NCOA3: variants seen among roughly 807,000 people sequenced by gnomAD.
NCOA3 encodes the protein CBP-interacting protein.
Under a neutral mutation model 158.8 loss-of-function variants are expected in NCOA3, and 51 were observed. The observed-to-expected ratio is 0.32, with a 90% CI of 0.26 to 0.41. The LOEUF (loss-of-function observed/expected upper bound fraction) is 0.41, where lower values mean the gene tolerates loss of function less well. Among genes scored for constraint, NCOA3 ranks in the 10% least tolerant of loss-of-function variants. The pLI, the probability that NCOA3 is intolerant of heterozygous loss-of-function variation, is 1.00. For synonymous variants in NCOA3, 537 were observed against 592.4 expected (o/e 0.91, Z 1.36); for missense variants, 1,510 against 1,746.6 (o/e 0.86, Z 2.41).
At chr20:47,647,619 G>C (rs1412659433) in intron 18 of NCOA3, among the ~76,000 whole-genome samples, 1 of 152,058 alleles carries the variant, frequency 6.6e-6, no homozygotes, top group African/African-American at 2.4e-5. Flanking sequence ...AATGTTACTT[G>C]ATGACTTTGT....
At chr20:47,646,605 A>G (rs1021043968) in intron 17 of NCOA3, among the ~76,000 whole-genome samples, 4 of 152,242 alleles carry the variant, frequency 2.6e-5, no homozygotes, top group African/African-American at 9.6e-5. Flanking sequence ...ACCTAAGTAG[A>G]AAATATATCA....
At chr20:47,518,797 A>G (rs2084276298) in intron 1 of NCOA3, among the ~76,000 whole-genome samples, 1 of 152,142 alleles carries the variant, frequency 6.6e-6, no homozygotes, top group South Asian at 2.1e-4. Context: ...AATCCACGCT[A>G]CCAATCAAGA....
chr20:47,639,020 C>CA lies in NCOA3; in HGVS notation c.2526dup (p.Gln843ThrfsTer11). ...GTGTTTTCAACAGGTTTGAAAAGTTCACAGTCTGTGCAGTCTATTCGTCCT... is the reference window on the plus strand; with the variant it reads ...GTGTTTTCAACAGGTTTGAAAAGTTCAACAGTCTGTGCAGTCTATTCGTCCT... On this transcript the variant is annotated frameshift_variant, in exon 14 of 23. Transcript: ENST00000371998. LOFTEE classifies it high-confidence loss of function. The CA allele has an allele frequency of 6.2e-7, 1 of 1,600,090 alleles. No homozygotes were observed. The highest frequency in any genetic ancestry group is 8.5e-7 in the Non-Finnish European group (1 of 1,173,630).
At chr20:47,529,348 AT>A (rs1479252768) in intron 1 of NCOA3, among the ~76,000 whole-genome samples, 3 of 151,264 alleles carry the variant, frequency 2.0e-5, no homozygotes, top group African/African-American at 7.3e-5. Context: ...CTAACTCCTG[AT>A]CTCAGGTGAT....
chr20:47,580,481 G>A (rs535763960), intron 1 of NCOA3, among the ~76,000 whole-genome samples: 3 of 151,816 alleles, frequency 2.0e-5, no homozygotes, highest in East Asian at 3.9e-4. Flanking sequence ...GCTTTAACCC[G>A]GGAGGCAGAG....
At chr20:47,503,177 G>T (rs1250829282) in intron 1 of NCOA3, among the ~76,000 whole-genome samples, 1 of 152,138 alleles carries the variant, frequency 6.6e-6, no homozygotes. Context: ...TGATTTAAAT[G>T]CCTGGCCTCG....
In NCOA3 at chr20:47,572,535, C is replaced by G. The variant is rs531304629; in HGVS notation, c.-98-10648C>G. On this transcript the variant is annotated intron_variant, in intron 1 of 22. Transcript: ENST00000371998. ...CTAAGCTTAATCATTTCTAGCCCCC[C>G]CCACCTGCCTTTTTTTTTTATGAGA... Among the ~76,000 whole-genome samples, 181 of 151,794 alleles carry G rather than the reference C, an allele frequency of 1.2e-3. 2 individuals are homozygous for G. The highest frequency in any genetic ancestry group is 2.0e-3 in the Non-Finnish European group (135 of 67,924).
chr20:47,512,741 C>G (rs950299552), intron 1 of NCOA3, among the ~76,000 whole-genome samples: 36 of 152,176 alleles, frequency 2.4e-4, no homozygotes, highest in Non-Finnish European at 1.3e-4. Flanking sequence ...ATTAAAAAGA[C>G]TGACCATACC....
chr20:47,627,152 C>T lies in NCOA3; in HGVS notation c.508C>T (p.Leu170Phe). 2 of 1,605,652 alleles carry T rather than the reference C, an allele frequency of 1.2e-6. No individual in the cohort carries two copies. Among genetic ancestry groups the T allele is most frequent in the Non-Finnish European group, 1.7e-6 (2 of 1,176,894 alleles). ...ACATGAAGAAGACAGAAAGGATTTT[C>T]TTAAGAATTTACCAAAATCTACAGG... is the stretch of plus-strand genomic sequence containing the variant. Reference protein sequence around the residue: ...ILHEEDRKDFLKNLPKSTVNG... With the variant: ...ILHEEDRKDFFKNLPKSTVNG... Residue 170 changes from leucine to phenylalanine, a missense_variant, in exon 6 of 23, where the codon CTT becomes TTT. Transcript: ENST00000371998.
chr20:47,570,599 C>T (rs2085275457), intron 1 of NCOA3, among the ~76,000 whole-genome samples: 1 of 152,090 alleles, frequency 6.6e-6, no homozygotes, highest in Non-Finnish European at 1.5e-5. Context: ...CAAAGTCATC[C>T]ATTAGAGTTG....
chr20:47,557,619 G>T (rs1313769732), intron 1 of NCOA3, among the ~76,000 whole-genome samples: 8 of 152,076 alleles, frequency 5.3e-5, no homozygotes, highest in Admixed American at 5.2e-4. Context: ...TTCAAATTAA[G>T]TAATATAGTC....
intron 1 of NCOA3, among the ~76,000 whole-genome samples, chr20:47,570,277 C>CA (rs1602417805): frequency 6.6e-6 from 1 of 151,934 alleles, no homozygotes; most frequent in Admixed American, 6.6e-5. Context: ...CCCATCTCTA[C>CA]AAAAAATACA....
chr20:47,625,447 T>C lies in NCOA3; in HGVS notation c.323T>C (p.Ile108Thr). The C allele has an allele frequency of 6.2e-7, 1 of 1,613,506 alleles. No homozygotes were observed. The highest frequency in any genetic ancestry group is 8.5e-7 in the Non-Finnish European group (1 of 1,179,524). ...GTATCTTCTACAGGGCAGGGAGTTA[T>C]TGATAAAGACTCCTTAGGACCGCTT... The part of the protein sequence containing the change: ...ADVSSTGQGV[I>T]DKDSLGPLLL... Residue 108 changes from isoleucine to threonine, a missense_variant, in exon 5 of 23, where the codon ATT (isoleucine) becomes ACT (threonine). By Grantham distance (89) the Ile-to-Thr change is moderately conservative (BLOSUM62 -1). This residue lies in a region of NCOA3 where 309 missense variants were observed against 427.1 expected (regional missense o/e 0.72). Transcript: ENST00000371998.
At chr20:47,606,414 A>G (rs1167709882) in intron 2 of NCOA3, among the ~76,000 whole-genome samples, 1 of 152,220 alleles carries the variant, frequency 6.6e-6, no homozygotes, top group Non-Finnish European at 1.5e-5. Context: ...ACCATGAATT[A>G]AGGCAGTGGC....
chr20:47,518,420 G>GTTT (rs35593021), intron 1 of NCOA3, among the ~76,000 whole-genome samples: 12,344 of 132,768 alleles, frequency 0.093, 857 homozygotes, highest in Middle Eastern at 0.17. Context: ...TTCTTTTTCT[G>GTTT]TTTTTTTTTT....
At chr20:47,532,377 A>G (rs991563481) in intron 1 of NCOA3, among the ~76,000 whole-genome samples, 1 of 151,634 alleles carries the variant, frequency 6.6e-6, no homozygotes, top group Non-Finnish European at 1.5e-5. Context: ...AGGACAGTGA[A>G]CAAAGACGTA....
At chr20:47,553,734 T>C (rs2084958663) in intron 1 of NCOA3, among the ~76,000 whole-genome samples, 1 of 152,168 alleles carries the variant, frequency 6.6e-6, no homozygotes, top group Non-Finnish European at 1.5e-5. Flanking sequence ...GAACTCATCA[T>C]TTTTTATGGC....
rs11480221 is a variant in NCOA3, at chr20:47,621,265, A to ATT, written c.-19-955_-19-954dup. ...TATTTTTTTTGTTTTTTTGCTTTTG[A>ATT]TTTTTTTTTTAAAGCTACACATTTG... On this transcript the variant is annotated intron_variant, in intron 2 of 22. Transcript: ENST00000371998. Among the ~76,000 whole-genome samples the ATT allele has an allele frequency of 3.4e-5, 5 of 147,860 alleles. No homozygotes were observed. In the East Asian group the frequency reaches 5.9e-4, roughly 17 times the overall value.
Position 47,639,558 on chromosome 20 carries a change from G to C in NCOA3, c.2708-19G>C. ...TCATTATAATATGGAAAAGACCTAA[G>C]TATGGCTACCTGTTTTAGGTGGGCC... On this transcript the variant is annotated intron_variant, in intron 14 of 22. Coordinates refer to ENST00000371998, the MANE Select transcript of NCOA3 (RefSeq NM_181659.3). 1 of 1,612,192 alleles carries C rather than the reference G, an allele frequency of 6.2e-7. No homozygotes were observed. The highest frequency in any genetic ancestry group is 8.5e-7 in the Non-Finnish European group (1 of 1,179,654).
Sources: allele counts gnomAD v4.1 joint callset (sites outside exome capture counted in the v4.1 genomes callset), GRCh38; gene constraint gnomAD v4.1.1; regional missense constraint gnomAD v4.1.1; transcripts MANE v1.5; gene names NCBI Gene and HGNC (gene_info 2026-07-23, HGNC 2026-07-21).